Variants in SCN1A observed in about 807,000 individuals in gnomAD.
SCN1A encodes sodium voltage-gated channel alpha subunit 1.
In SCN1A, 13 loss-of-function variants were observed where a neutral mutation model predicts 193.7. The observed-to-expected ratio is 0.07, with a 90% CI of 0.04 to 0.11. SCN1A has a LOEUF of 0.11. SCN1A is among the 10% of genes least tolerant of loss of function. The pLI, the probability that SCN1A is intolerant of heterozygous loss-of-function variation, is 1.00. For missense variants in SCN1A, 1,432 were observed against 2,451.1 expected (o/e 0.58, Z 8.78); for synonymous variants, 781 against 843.6 (o/e 0.93, Z 1.29).
intron 19 of SCN1A, among the ~76,000 whole-genome samples, chr2:166,029,059 G>A (rs917717629): frequency 5.9e-5 from 9 of 152,122 alleles, no homozygotes; most frequent in Admixed American, 1.3e-4. Context: ...AACTGATAAA[G>A]CATAGGGAAT....
At chr2:166,063,573 G>T (rs954046013) in intron 4 of SCN1A, among the ~76,000 whole-genome samples, 8 of 152,084 alleles carry the variant, frequency 5.3e-5, no homozygotes, top group African/African-American at 1.7e-4. Context: ...TATAAACTAG[G>T]AGATGCTCAA....
chr2:166,071,143 TCTTCA>T (rs917258275), intron 4 of SCN1A, among the ~76,000 whole-genome samples: 1 of 152,200 alleles, frequency 6.6e-6, no homozygotes, highest in African/African-American at 2.4e-5. Context: ...AACACATCAG[TCTTCA>T]CTTCAATACC....
chr2:166,048,233 A>C (rs562961001), intron 10 of SCN1A, among the ~76,000 whole-genome samples: 2 of 152,172 alleles, frequency 1.3e-5, no homozygotes, highest in African/African-American at 4.8e-5. Flanking sequence ...GGGTACGTAC[A>C]TGTACAGGTT....
In SCN1A at chr2:166,148,315, A is replaced by G. The variant is rs139845756; in HGVS notation, c.-50+732T>C. Among the ~76,000 whole-genome samples, 243 of 152,310 alleles carry G rather than the reference A, an allele frequency of 1.6e-3. 4 individuals carry two copies. In the Middle Eastern group the frequency reaches 0.024, roughly 15 times the overall value. ...TCTCTAGGCTTTTCTGCAGCATTCAATAAAGAGCCTGCTATTTTAACTAAT... is the reference window on the plus strand; with the variant it reads ...TCTCTAGGCTTTTCTGCAGCATTCAGTAAAGAGCCTGCTATTTTAACTAAT... On this transcript the variant is annotated intron_variant, in intron 1 of 26. Transcript: ENST00000635750.
intron 2 of SCN1A, among the ~76,000 whole-genome samples, chr2:166,078,489 A>G (rs1229263671): frequency 6.7e-6 from 1 of 148,272 alleles, no homozygotes; most frequent in African/African-American, 2.6e-5. Context: ...CTGCGTGTGT[A>G]GAGAAAGGGG....
intron 2 of SCN1A, among the ~76,000 whole-genome samples, chr2:166,116,148 A>G (rs1221583535): frequency 2.0e-5 from 3 of 152,250 alleles, no homozygotes; most frequent in South Asian, 2.1e-4. Flanking sequence ...ACTCCAGGAT[A>G]TAACTTACAG....
At position 166,013,902 on chromosome 2, in the gene SCN1A, C is replaced by T. The variant is rs374245032; in HGVS notation, c.3551-4G>A. Reference sequence around the variant, plus strand: ...CACTTGAATCTTTGTACACAGCCTGCAGAAAGTGTTGAAATAAAAGTAGAT... The same window carrying T: ...CACTTGAATCTTTGTACACAGCCTGTAGAAAGTGTTGAAATAAAAGTAGAT... On this transcript the variant is annotated splice_region_variant and splice_polypyrimidine_tract_variant and intron_variant, in intron 20 of 28. Transcript: ENST00000674923. The T allele has an allele frequency of 1.2e-6, 2 of 1,610,638 alleles. No individual in the cohort carries two copies. Among genetic ancestry groups the T allele is most frequent in the Non-Finnish European group, 1.7e-6 (2 of 1,178,230 alleles).
chr2:166,045,833 C>G (rs964162614), intron 12 of SCN1A, among the ~76,000 whole-genome samples: 1 of 152,084 alleles, frequency 6.6e-6, no homozygotes, highest in African/African-American at 2.4e-5. Context: ...GTTATAAAAT[C>G]CCTTTCTCAC....
At chr2:166,019,651 G>A (rs1693744010) in intron 19 of SCN1A, among the ~76,000 whole-genome samples, 1 of 151,826 alleles carries the variant, frequency 6.6e-6, no homozygotes, top group Non-Finnish European at 1.5e-5. Flanking sequence ...GTTTATTCTT[G>A]TTACCTTTTC....
In SCN1A at chr2:166,071,087, A is replaced by G. The variant is rs560674492; in HGVS notation, c.264+2271T>C. Among the ~76,000 whole-genome samples, 17 of 152,328 alleles carry G rather than the reference A, an allele frequency of 1.1e-4. No individual in the cohort carries two copies. The East Asian group carries it at 1.4e-3, about 12-fold the overall frequency. ...AATAAACTAAAAGTATCCAATGGCT[A>G]TAAATACAGTAGCATACTCTATACT... On this transcript the variant is annotated intron_variant, in intron 4 of 28. Coordinates refer to ENST00000674923, the MANE Select transcript of SCN1A (RefSeq NM_001165963.4).
chr2:166,131,109 C>G (rs1691641145), upstream of SCN1A, among the ~76,000 whole-genome samples: 1 of 151,994 alleles, frequency 6.6e-6, no homozygotes, highest in Non-Finnish European at 1.5e-5. Context: ...AATTTTGTCT[C>G]TTTCTCACTG....
chr2:166,084,312 A>G (rs1029286838), intron 2 of SCN1A, among the ~76,000 whole-genome samples: 1 of 149,342 alleles, frequency 6.7e-6, no homozygotes, highest in East Asian at 2.0e-4. Flanking sequence ...TCCTTTGTAG[A>G]CACTTCAAGT....
At chr2:166,134,689 A>G (rs10197983) in intron 1 of SCN1A, among the ~76,000 whole-genome samples, 51,020 of 152,066 alleles carry the variant, frequency 0.34, 8,763 homozygotes, top group South Asian at 0.4. Flanking sequence ...TTGAAGTTCT[A>G]TACTTTCTTT....
At chr2:166,128,136 G>A (rs1296966620), upstream of SCN1A, 2 of 150,090 alleles carry the variant, frequency 1.3e-5, no homozygotes, top group Admixed American at 6.6e-5. Flanking sequence ...TCACAATCCA[G>A]ATTTATGATT....
chr2:165,994,089 A>T (rs1483699638), intron 28 of SCN1A, 57 bp downstream of exon 28: 1 of 1,315,378 alleles, frequency 7.6e-7, no homozygotes, highest in African/African-American at 1.5e-5. Flanking sequence ...TCTAATCTTG[A>T]TTGTTTCAGC....
Position 166,044,016 on chromosome 2 carries a change from G to A in SCN1A, c.1696C>T (p.Pro566Ser), listed in dbSNP as rs886044645. The stretch of plus-strand genomic sequence containing the variant: ...AGGCTTGTTCTGCTATTTCGCCTTG[G>A]TGAAAATAGGGAGCCACGGATGCTC... ...LLSIRGSLFSPRRNSRTSLFS... is the reference protein window; with the variant it reads ...LLSIRGSLFSSRRNSRTSLFS... The change falls in exon 14 of 29, where the codon CCA (proline) becomes TCA (serine). Residue 566 changes from proline (P) to serine (S), a missense_variant. By Grantham distance (74) the Pro-to-Ser change is moderately conservative (BLOSUM62 -1). This residue lies in a region of SCN1A where 316 missense variants were observed against 362.1 expected (regional missense o/e 0.87). Transcript: ENST00000674923. 2 of 1,614,122 alleles carry A rather than the reference G, an allele frequency of 1.2e-6. No individual in the cohort carries two copies. The highest frequency in any genetic ancestry group is 3.3e-5 in the Admixed American group (2 of 60,006).
In SCN1A at chr2:166,009,860, T is replaced by C; in HGVS notation, c.3880-19A>G. On this transcript the variant is annotated intron_variant, in intron 22 of 28. Transcript: ENST00000674923. ...ATGAAACCTGCACACACAAAAATAA[T>C]AACAATTAATAAACAGAATCATCAT... is the stretch of plus-strand genomic sequence containing the variant. The C allele has an allele frequency of 6.2e-7, 1 of 1,601,984 alleles. No homozygotes were observed. Among genetic ancestry groups the C allele is most frequent in the African/African-American group, 1.3e-5 (1 of 74,410 alleles).
At position 166,054,721 on chromosome 2, in the gene SCN1A, A is replaced by C. The variant is rs1283681963; in HGVS notation, c.519T>G (p.Ile173Met). 9.3e-6 allele frequency: 15 copies of C among 1,611,732 alleles called. No homozygotes were observed. The highest frequency in any genetic ancestry group is 1.1e-5 in the Non-Finnish European group (13 of 1,178,406). ...GIYTFESLIKIIARGFCLEDF... is the reference protein window; with the variant it reads ...GIYTFESLIKMIARGFCLEDF... ...CTTCTAAACAGAATCCCCTTGCAAT[A>C]ATTTTTATAAGTGATTCAAAAGTAT... is the stretch of plus-strand genomic sequence containing the variant. The change falls in exon 7 of 29, where the codon ATT (isoleucine) becomes ATG (methionine). Residue 173 changes from isoleucine (I) to methionine (M), a missense_variant. By Grantham distance (10) the Ile-to-Met change is conservative (BLOSUM62 1). Coordinates refer to ENST00000674923, the MANE Select transcript of SCN1A (RefSeq NM_001165963.4).
chr2:166,087,766 G>A (rs1412597834), intron 2 of SCN1A, among the ~76,000 whole-genome samples: 2 of 152,080 alleles, frequency 1.3e-5, no homozygotes, highest in Non-Finnish European at 2.9e-5. Context: ...AATATTTATT[G>A]AATATAGACA....
Sources: gnomAD v4.1 joint callset for allele counts (sites outside exome capture counted in the v4.1 genomes callset) on GRCh38, gnomAD v4.1.1 for gene constraint, gnomAD v4.1.1 regional missense constraint, MANE v1.5 for transcripts, NCBI Gene and HGNC (gene_info 2026-07-23, HGNC 2026-07-21) for gene names.